FBXL4: variants seen among roughly 807,000 people sequenced by gnomAD.
FBXL4 encodes F-box and leucine rich repeat protein 4, also known as F-box/LRR-repeat protein 4.
Under a neutral mutation model 58.9 loss-of-function variants are expected in FBXL4, and 40 were observed. The ratio of observed to expected loss-of-function variants is 0.68; its 90% CI spans 0.53 to 0.88. The LOEUF (loss-of-function observed/expected upper bound fraction) is 0.88, where lower values mean the gene tolerates loss of function less well. Ranked by LOEUF, FBXL4 falls within the 40% of genes least tolerant of loss-of-function variation. FBXL4 has a pLI of 0.00. For missense variants in FBXL4, 676 were observed against 734.4 expected (o/e 0.92, Z 0.92); for synonymous variants, 263 against 265.5 (o/e 0.99, Z 0.09).
intron 1 of FBXL4, among the ~76,000 whole-genome samples, chr6:98,946,744 G>T (rs1364462066): frequency 6.6e-6 from 1 of 152,140 alleles, no homozygotes; most frequent in East Asian, 1.9e-4. Flanking sequence ...CATAAGTATG[G>T]AAAGAAGAAT....
At chr6:98,906,648 T>C (rs538938940) in intron 5 of FBXL4, among the ~76,000 whole-genome samples, 1 of 152,344 alleles carries the variant, frequency 6.6e-6, no homozygotes, top group South Asian at 2.1e-4. Context: ...GCATATGTCC[T>C]TATAGTAGAA....
Position 98,917,514 on chromosome 6 carries a change from G to C in FBXL4, c.718C>G (p.Leu240Val), listed in dbSNP as rs1389395266. ...DKPVLSLKTS[L>V]IDMNDIEDDA... is the part of the protein sequence containing the mutation. ...TCTTCTATATCATTCATGTCAATAA[G>C]TGAAGTCTTGAGAGAAAGCACTGGC... The change falls in exon 5 of 10, where the codon CTT (leucine) becomes GTT (valine). Residue 240 changes from leucine (L) to valine (V), a missense_variant. By Grantham distance (32) the Leu-to-Val change is conservative. Coordinates refer to ENST00000369244, the MANE Select transcript of FBXL4 (RefSeq NM_001278716.2). 6.8e-6 allele frequency: 11 copies of C among 1,613,922 alleles called. No homozygotes were observed. Among genetic ancestry groups the C allele is most frequent in the Non-Finnish European group, 8.5e-6 (10 of 1,179,936 alleles).
rs371757422 is a variant in FBXL4 at position 98,936,391 on chromosome 6, G to T, written c.-308-1512C>A. On this transcript the variant is annotated intron_variant, in intron 1 of 9. Coordinates refer to ENST00000369244, the MANE Select transcript of FBXL4 (RefSeq NM_001278716.2). ...ATTGTCCTTTATTCCAGAATTATAT[G>T]AAAGTGAAATAATATGGTATGTATG... Among the ~76,000 whole-genome samples, 10 of 152,288 alleles carry T rather than the reference G, an allele frequency of 6.6e-5. No homozygotes were observed. In the East Asian group the frequency reaches 1.2e-3, roughly 18 times the overall value.
intron 1 of FBXL4, among the ~76,000 whole-genome samples, chr6:98,941,289 T>C (rs193184168): frequency 1.3e-5 from 2 of 152,274 alleles, no homozygotes; most frequent in Admixed American, 6.5e-5. Context: ...AAAATGCATT[T>C]TGTTAAGTGA....
intron 4 of FBXL4, among the ~76,000 whole-genome samples, chr6:98,926,188 A>T (rs1772771936): frequency 6.6e-6 from 1 of 152,148 alleles, no homozygotes; most frequent in African/African-American, 2.4e-5. Context: ...ACGTCCCAGA[A>T]TGGCCCATGT....
At chr6:98,881,820 C>T (rs771496937) in intron 7 of FBXL4, among the ~76,000 whole-genome samples, 1 of 151,932 alleles carries the variant, frequency 6.6e-6, no homozygotes, top group Non-Finnish European at 1.5e-5. Context: ...TCCCATGTAG[C>T]TCTCAGAATG....
At chr6:98,911,346 C>G (rs1223064241) in intron 5 of FBXL4, among the ~76,000 whole-genome samples, 1 of 152,198 alleles carries the variant, frequency 6.6e-6, no homozygotes, top group Non-Finnish European at 1.5e-5. Context: ...CAGCACGCAG[C>G]TGGAGATCTG....
chr6:98,879,848 CAGG>C (rs1324794325), intron 8 of FBXL4, among the ~76,000 whole-genome samples: 1 of 145,644 alleles, frequency 6.9e-6, no homozygotes, highest in African/African-American at 2.6e-5. Context: ...GAGGTTGAGG[CAGG>C]AGAATTGCTT....
At chr6:98,890,919 A>G (rs1337596244) in intron 7 of FBXL4, among the ~76,000 whole-genome samples, 1 of 152,120 alleles carries the variant, frequency 6.6e-6, no homozygotes, top group Non-Finnish European at 1.5e-5. Flanking sequence ...ACTCCATTTC[A>G]AAAACAAAAA....
Position 98,917,562 on chromosome 6 carries a change from C to T in FBXL4, c.670G>A (p.Val224Met), listed in dbSNP as rs78911908. The change falls in exon 5 of 10, where the codon GTG (valine) becomes ATG (methionine). Residue 224 changes from valine to methionine, a missense_variant. Transcript: ENST00000369244. Reference protein sequence around the residue: ...LEYYTELDAVVLHGVKDKPVL... With the variant: ...LEYYTELDAVMLHGVKDKPVL... ...GGCTTGTCCTTCACACCATGTAGCACAACTGCATCTAATTCAGTGTAATAT... is the reference window on the plus strand; with the variant it reads ...GGCTTGTCCTTCACACCATGTAGCATAACTGCATCTAATTCAGTGTAATAT... 3.7e-6 allele frequency: 6 copies of T among 1,613,896 alleles called. No homozygotes were observed. In the African/African-American group the frequency reaches 6.7e-5, roughly 18 times the overall value.
At chr6:98,932,144 A>G (rs1275054665) in intron 2 of FBXL4, among the ~76,000 whole-genome samples, 1 of 152,218 alleles carries the variant, frequency 6.6e-6, no homozygotes, top group Admixed American at 6.5e-5. Flanking sequence ...TTGTTCATTC[A>G]AAAAGCTACT....
rs1055223510 is a variant in FBXL4 at position 98,869,229 on chromosome 6, G to A, written c.*5049C>T. ...CAAATGTGCTAAAAGGAGAAAAGTA[G>A]ATGCAGCACTGATGTGTCAAAAATG... On this transcript the variant is annotated 3_prime_UTR_variant, in exon 10 of 10. Coordinates refer to ENST00000369244, the MANE Select transcript of FBXL4 (RefSeq NM_001278716.2). The A allele has an allele frequency of 1.3e-5, 2 of 152,230 alleles. No individual in the cohort carries two copies. Among genetic ancestry groups the A allele is most frequent in the Non-Finnish European group, 2.9e-5 (2 of 68,042 alleles). 9.4% of individuals were successfully genotyped at this position (152,230 alleles called of 1,614,324 possible). A position where few individuals can be genotyped will look rare whatever the true frequency, so the allele number is the denominator to read the frequency against.
In FBXL4 at chr6:98,909,235, C is replaced by A. The variant is rs140724294; in HGVS notation, c.859-3565G>T. Among the ~76,000 whole-genome samples, 787 of 152,276 alleles carry A rather than the reference C, an allele frequency of 5.2e-3. 9 individuals carry two copies. Among genetic ancestry groups the A allele is most frequent in the African/African-American group, 0.018 (741 of 41,552 alleles). ...GATCACTGGCTGAAGGGATAAAATGCAAATCTCTTGGTGAAACCCAAACAG... is the reference window on the plus strand; with the variant it reads ...GATCACTGGCTGAAGGGATAAAATGAAAATCTCTTGGTGAAACCCAAACAG... On this transcript the variant is annotated intron_variant, in intron 5 of 9. Transcript: ENST00000369244.
chr6:98,917,613 G>C lies in FBXL4; in HGVS notation c.619C>G (p.Leu207Val). 1 of 1,613,928 alleles carries C rather than the reference G, an allele frequency of 6.2e-7. No individual in the cohort carries two copies. The highest frequency in any genetic ancestry group is 8.5e-7 in the Non-Finnish European group (1 of 1,179,884). ...QINFPTNLIR[L>V]EVNSSLLEYY... ...TCCAGAAGAGAACTATTTACTTCCAGTCGTATAAGATTTGTGGGGAAATTT... is the reference window on the plus strand; with the variant it reads ...TCCAGAAGAGAACTATTTACTTCCACTCGTATAAGATTTGTGGGGAAATTT... The change falls in exon 5 of 10, where the codon CTG becomes GTG. Residue 207 changes from leucine to valine, a missense_variant. By Grantham distance (32) the Leu-to-Val change is conservative. Transcript: ENST00000369244.
Position 98,880,552 on chromosome 6 carries a change from C to A in FBXL4, c.1389+1G>T. Reference sequence around the variant, plus strand: ...AGTATAAAGAATTCTCAAACACTTACCATGACACAACTGCCTAAACTGAGG... The same window carrying A: ...AGTATAAAGAATTCTCAAACACTTAACATGACACAACTGCCTAAACTGAGG... On this transcript the variant is annotated splice_donor_variant, in intron 8 of 9. Coordinates refer to ENST00000369244, the MANE Select transcript of FBXL4 (RefSeq NM_001278716.2). LOFTEE classifies it high-confidence loss of function. 6.2e-7 allele frequency: 1 copy of A among 1,613,396 alleles called. No individual in the cohort carries two copies. Among genetic ancestry groups the A allele is most frequent in the Non-Finnish European group, 8.5e-7 (1 of 1,179,480 alleles).
At chr6:98,888,620 T>C (rs377721148) in intron 7 of FBXL4, among the ~76,000 whole-genome samples, 15 of 152,354 alleles carry the variant, frequency 9.8e-5, no homozygotes, top group East Asian at 7.7e-4. Context: ...ACTCATTCAA[T>C]AGAAGTACAA....
chr6:98,938,569 A>G (rs1195356792), intron 1 of FBXL4, among the ~76,000 whole-genome samples: 2 of 152,220 alleles, frequency 1.3e-5, no homozygotes, highest in African/African-American at 4.8e-5. Flanking sequence ...TACATAACGA[A>G]AAGACTGATA....
chr6:98,898,329 C>T, intron 7 of FBXL4: 1 of 985,312 alleles, frequency 1.0e-6, no homozygotes, highest in Non-Finnish European at 1.2e-6. Context: ...CTACAGGGGC[C>T]CAGGTACATA....
intron 1 of FBXL4, among the ~76,000 whole-genome samples, chr6:98,939,021 A>C (rs920279957): frequency 6.9e-6 from 1 of 145,524 alleles, no homozygotes; most frequent in South Asian, 2.3e-4. Flanking sequence ...GGCTACAGTA[A>C]GCTGTGATCA....
Sources: gnomAD v4.1 joint callset for allele counts (sites outside exome capture counted in the v4.1 genomes callset) on GRCh38, gnomAD v4.1.1 for gene constraint, MANE v1.5 for transcripts, NCBI Gene and HGNC (gene_info 2026-07-23, HGNC 2026-07-21) for gene names.